The following MYO1E variants were observed in gnomAD, a reference collection of about 807,000 sequenced individuals.
MYO1E encodes myosin IE, also known as unconventional myosin-Ie.
In MYO1E, 68 loss-of-function variants were observed where a neutral mutation model predicts 151.1. The observed-to-expected ratio is 0.45, with a 90% CI of 0.37 to 0.55. The LOEUF (loss-of-function observed/expected upper bound fraction) is 0.55. MYO1E is among the 20% of genes least tolerant of loss of function. MYO1E has a pLI of 0.00. For synonymous variants in MYO1E, 601 were observed against 501.7 expected (o/e 1.20, Z -2.64); for missense variants, 1,363 against 1,389.3 (o/e 0.98, Z 0.30).
chr15:59,360,248 C>T (rs2080877722), intron 1 of MYO1E, among the ~76,000 whole-genome samples: 2 of 152,128 alleles, frequency 1.3e-5, no homozygotes, highest in South Asian at 4.2e-4. Flanking sequence ...CGATTCACGT[C>T]TTGACGAGCC....
Position 59,138,312 on chromosome 15 carries a change from G to T in MYO1E, c.3136C>A (p.Gln1046Lys). Residue 1046 changes from glutamine (Q) to lysine (K), a missense_variant, in exon 27 of 28, where the codon CAG (glutamine) becomes AAG (lysine). Transcript: ENST00000288235. ...PPPAGGRPKP[Q>K]PKPKPQVPQC... ...GGCACCTGAGGCTTGGGCTTGGGCT[G>T]GGGCTTGGGTCTGCCCCCTGCTGGG... 1 of 1,614,216 alleles carries T rather than the reference G, an allele frequency of 6.2e-7. No homozygotes were observed.
intron 1 of MYO1E, among the ~76,000 whole-genome samples, chr15:59,287,235 C>T (rs2080392649): frequency 6.6e-6 from 1 of 152,164 alleles, no homozygotes; most frequent in South Asian, 2.1e-4. Context: ...TTCTAATGGG[C>T]CTGCTAGGGG....
At chr15:59,147,596 C>CAAAAAAAAAAAAAAAAAAAA (rs748173480) in intron 26 of MYO1E, among the ~76,000 whole-genome samples, 3 of 66,102 alleles carry the variant, frequency 4.5e-5, no homozygotes, top group African/African-American at 6.5e-5. Flanking sequence ...GACTCTGTCT[C>CAAAAAAAAAAAAAAAAAAAA]AAAAAAAAAA....
chr15:59,372,350 A>T (rs891905470), intron 1 of MYO1E, 148 bp downstream of exon 1: 61 of 969,134 alleles, frequency 6.3e-5, no homozygotes, highest in Non-Finnish European at 9.0e-5. Context: ...GGAAAGCGGC[A>T]GGAAATCAGA....
Position 59,274,193 on chromosome 15 carries a change from G to A in MYO1E, c.4-1744C>T, listed in dbSNP as rs578249203. ...GTACAGTGTCATGGGCTCCTGCTCTGGAAAGGGATTCTGGAAGGCCTGCCA... is the reference window on the plus strand; with the variant it reads ...GTACAGTGTCATGGGCTCCTGCTCTAGAAAGGGATTCTGGAAGGCCTGCCA... On this transcript the variant is annotated intron_variant, in intron 1 of 27. Coordinates refer to ENST00000288235, the MANE Select transcript of MYO1E (RefSeq NM_004998.4). 1.1e-4 allele frequency among the ~76,000 whole-genome samples: 16 copies of A among 152,270 alleles called. No homozygotes were observed. The South Asian group carries it at 3.3e-3, about 32-fold the overall frequency.
intron 1 of MYO1E, among the ~76,000 whole-genome samples, chr15:59,337,148 T>A (rs1251152835): frequency 6.6e-6 from 1 of 152,208 alleles, no homozygotes; most frequent in Non-Finnish European, 1.5e-5. Context: ...TGGAGGTGTT[T>A]TATTATTATG....
rs1188839265 is a variant in MYO1E at position 59,205,400 on chromosome 15, A to C, written c.1616T>G (p.Leu539Arg). The C allele has an allele frequency of 6.2e-7, 1 of 1,613,900 alleles. No homozygotes were observed. Among genetic ancestry groups the C allele is most frequent in the Non-Finnish European group, 8.5e-7 (1 of 1,179,908 alleles). The change falls in exon 15 of 28, where the codon CTG becomes CGG. Residue 539 changes from leucine to arginine, a missense_variant and splice_region_variant. Transcript: ENST00000288235. ...GTCAGCTATGGCAAAACATACTTAC[A>C]GCTCGCTGCTCTGCATAAGCTCGAT... ...DLIELMQSSE[L>R]PFIKSLFPEN...
chr15:59,348,268 T>C (rs1424937300), intron 1 of MYO1E, among the ~76,000 whole-genome samples: 6 of 152,202 alleles, frequency 3.9e-5, no homozygotes, highest in Admixed American at 2.6e-4. Flanking sequence ...TTCCTATTTA[T>C]TCAAGTCAGC....
rs374860294 is a variant in MYO1E, at chr15:59,152,005, T to G, written c.3080+1585A>C. 9.9e-5 allele frequency among the ~76,000 whole-genome samples: 15 copies of G among 151,206 alleles called. 1 individual carries two copies. In the East Asian group the frequency reaches 2.5e-3, roughly 26 times the overall value. Reference sequence around the variant, plus strand: ...ATCGCTTGAACCCGGGAGGCAGAGATTGCAGTGAGCCGAGATTGTGGCACT... The same window carrying G: ...ATCGCTTGAACCCGGGAGGCAGAGAGTGCAGTGAGCCGAGATTGTGGCACT... On this transcript the variant is annotated intron_variant, in intron 26 of 27. Transcript: ENST00000288235.
chr15:59,167,268 T>C (rs2079568031), intron 22 of MYO1E, among the ~76,000 whole-genome samples: 1 of 152,008 alleles, frequency 6.6e-6, no homozygotes, highest in Non-Finnish European at 1.5e-5. Flanking sequence ...TACTGGAAAA[T>C]CTATTAACCC....
chr15:59,139,526 A>ACC (rs1168192101), intron 26 of MYO1E, among the ~76,000 whole-genome samples: 8 of 107,020 alleles, frequency 7.5e-5, no homozygotes, highest in African/African-American at 3.0e-4. Flanking sequence ...CATCCCTCCT[A>ACC]CCCCCTCATT....
At chr15:59,269,836 G>C (rs1266888213) in intron 2 of MYO1E, among the ~76,000 whole-genome samples, 2 of 151,752 alleles carry the variant, frequency 1.3e-5, no homozygotes, top group Non-Finnish European at 2.9e-5. Context: ...CCTGGCGAGA[G>C]AGCAAGACTC....
chr15:59,197,070 G>A (rs2079771820), intron 16 of MYO1E, among the ~76,000 whole-genome samples: 1 of 120,142 alleles, frequency 8.3e-6, no homozygotes, highest in South Asian at 2.9e-4. Context: ...TCTGCTCATT[G>A]CAACCTCTGC....
chr15:59,217,001 T>G (rs1295253559), intron 10 of MYO1E, among the ~76,000 whole-genome samples: 1 of 152,026 alleles, frequency 6.6e-6, no homozygotes, highest in African/African-American at 2.4e-5. Flanking sequence ...GAGAGGTCCA[T>G]GCAGCAAGGG....
intron 2 of MYO1E, among the ~76,000 whole-genome samples, chr15:59,264,072 G>C (rs1255449898): frequency 6.6e-6 from 1 of 152,156 alleles, no homozygotes; most frequent in Non-Finnish European, 1.5e-5. Context: ...GCTTTTTGCA[G>C]ATTGTGCTTT....
At chr15:59,236,411 C>T (rs980488588) in intron 5 of MYO1E, among the ~76,000 whole-genome samples, 174 bp downstream of exon 5, 7 of 140,476 alleles carry the variant, frequency 5.0e-5, no homozygotes, top group African/African-American at 1.7e-4. Context: ...CACACACACA[C>T]ACACACACAA....
intron 4 of MYO1E, among the ~76,000 whole-genome samples, chr15:59,252,481 A>G (rs1020618906): frequency 6.6e-6 from 1 of 152,070 alleles, no homozygotes; most frequent in East Asian, 1.9e-4. Flanking sequence ...TTGGGAGGCT[A>G]AGACAGGCGG....
In MYO1E at chr15:59,323,109, C is replaced by T. The variant is rs2080638216; in HGVS notation, c.3+49389G>A. Among the ~76,000 whole-genome samples, 3 of 135,448 alleles carry T rather than the reference C, an allele frequency of 2.2e-5. No homozygotes were observed. The South Asian group carries it at 6.8e-4, about 31-fold the overall frequency. The allele number at this position is 135,448 out of a possible 152,430, so 88.9% of individuals were successfully genotyped here. ...GTGTGAACCCAGGAGGCAGAGCTTG[C>T]AGTGAGCCGAGATCGCACCACTGCA... On this transcript the variant is annotated intron_variant, in intron 1 of 27. Coordinates refer to ENST00000288235, the MANE Select transcript of MYO1E (RefSeq NM_004998.4).
At chr15:59,215,703 T>A (rs2079909327) in intron 10 of MYO1E, among the ~76,000 whole-genome samples, 1 of 152,136 alleles carries the variant, frequency 6.6e-6, no homozygotes, top group East Asian at 1.9e-4. Context: ...CAACACACAG[T>A]CAGTGCCCAG....
Sources: allele counts gnomAD v4.1 joint callset (sites outside exome capture counted in the v4.1 genomes callset), GRCh38; gene constraint gnomAD v4.1.1; transcripts MANE v1.5; gene names NCBI Gene and HGNC (gene_info 2026-07-23, HGNC 2026-07-21).